Variants in KDM2B observed in about 807,000 individuals in gnomAD.
The protein encoded by KDM2B is lysine demethylase 2B, also known as lysine-specific demethylase 2B.
In KDM2B, 26 loss-of-function variants were observed where a neutral mutation model predicts 150.0. The ratio of observed to expected loss-of-function variants is 0.17; its 90% confidence interval spans 0.13 to 0.24. The LOEUF (loss-of-function observed/expected upper bound fraction) is 0.24. KDM2B is among the 10% of genes least tolerant of loss of function. The probability of loss-of-function intolerance (pLI) is 1.00; values close to 1 mark genes in which losing one functional copy is unlikely to be tolerated. For missense variants in KDM2B, 1,265 were observed against 1,816.9 expected, an observed-to-expected ratio of 0.70 and a Z score of 5.52; for synonymous variants, 734 against 729.5, an observed-to-expected ratio of 1.01 and a Z score of -0.10.
intron 6 of KDM2B, among the ~76,000 whole-genome samples, chr12:121,539,910 T>G (rs1888465185): frequency 6.6e-6 from 1 of 152,076 alleles, no homozygotes; most frequent in Admixed American, 6.6e-5. Context: ...CGGCTGATTT[T>G]TGTATTTTTA....
At position 121,554,536 on chromosome 12, in the gene KDM2B, G is replaced by A. The variant is rs576003360; in HGVS notation, c.398-4898C>T. On this transcript the variant is annotated intron_variant, in intron 4 of 22. Transcript: ENST00000377071. ...AGCGATTCTCCTGCCTCAGCCCCCCGAGTAGCTGGGATTACAGGCGCCTGC... is the reference window on the plus strand; with the variant it reads ...AGCGATTCTCCTGCCTCAGCCCCCCAAGTAGCTGGGATTACAGGCGCCTGC... 3.2e-4 allele frequency among the ~76,000 whole-genome samples: 48 copies of A among 151,714 alleles called. No individual in the cohort carries two copies. In the East Asian group the frequency reaches 8.2e-3, roughly 26 times the overall value.
rs553834879 is a variant in KDM2B, at chr12:121,565,506, G to A, written c.397+9041C>T. On this transcript the variant is annotated intron_variant, in intron 4 of 22. Coordinates refer to ENST00000377071, the MANE Select transcript of KDM2B (RefSeq NM_032590.5). ...CTAATTTTCTATTTTTAGTAAAGAC[G>A]GAGTTTCTCCATGTTACTCAGGCTG... 9.1e-4 allele frequency among the ~76,000 whole-genome samples: 138 copies of A among 152,054 alleles called. 1 individual carries two copies. The highest frequency in any genetic ancestry group is 1.7e-3 in the Non-Finnish European group (113 of 68,012).
chr12:121,548,557 T>C (rs1555311142), intron 6 of KDM2B, among the ~76,000 whole-genome samples: 1 of 152,144 alleles, frequency 6.6e-6, no homozygotes, highest in African/African-American at 2.4e-5. Flanking sequence ...TGCACAAAAG[T>C]ATGCACAGTT....
chr12:121,451,678 G>A (rs1301800674), intron 13 of KDM2B, among the ~76,000 whole-genome samples: 3 of 152,138 alleles, frequency 2.0e-5, no homozygotes, highest in African/African-American at 2.4e-5. Context: ...CTTGGAGGCC[G>A]AGGTGGGTAG....
chr12:121,525,220 G>A (rs942822937), intron 8 of KDM2B, among the ~76,000 whole-genome samples: 2 of 152,080 alleles, frequency 1.3e-5, no homozygotes, highest in Non-Finnish European at 2.9e-5. Flanking sequence ...ATTACTTCAC[G>A]CCACCCCATG....
chr12:121,523,273 G>C (rs1267973352), intron 8 of KDM2B, among the ~76,000 whole-genome samples: 2 of 151,860 alleles, frequency 1.3e-5, no homozygotes, highest in African/African-American at 2.4e-5. Flanking sequence ...ACAGAGGGGA[G>C]GCAAAAGGAG....
At chr12:121,503,123 G>A (rs557617429) in intron 11 of KDM2B, among the ~76,000 whole-genome samples, 1 of 151,644 alleles carries the variant, frequency 6.6e-6, no homozygotes, top group African/African-American at 2.4e-5. Flanking sequence ...GCCTACAGGC[G>A]TGCGCCATCA....
intron 12 of KDM2B, among the ~76,000 whole-genome samples, chr12:121,477,810 T>C (rs1881556930): frequency 6.6e-6 from 1 of 152,154 alleles, no homozygotes; most frequent in Admixed American, 6.5e-5. Flanking sequence ...ACTCTTGACC[T>C]CGGGTGATCC....
rs1230632831 is a variant in KDM2B, at chr12:121,513,250, C to T, written c.1174+26G>A. The T allele has an allele frequency of 3.7e-6, 6 of 1,608,082 alleles. No homozygotes were observed. Among genetic ancestry groups the T allele is most frequent in the Non-Finnish European group, 5.1e-6 (6 of 1,175,620 alleles). The stretch of plus-strand genomic sequence containing the variant: ...TTCTGCCCCAGCTGTGCAGCCGAGG[C>T]CGTGGGCTCCCTCCGGTTCACTCAC... On this transcript the variant is annotated intron_variant, in intron 10 of 22. Coordinates refer to ENST00000377071, the MANE Select transcript of KDM2B (RefSeq NM_032590.5). The surrounding 1 kb of genome is among the most constrained non-coding windows in gnomAD (Gnocchi z 5.0).
At chr12:121,496,185 C>T (rs537656121) in intron 11 of KDM2B, among the ~76,000 whole-genome samples, 17 of 152,150 alleles carry the variant, frequency 1.1e-4, no homozygotes, top group African/African-American at 3.6e-4. Context: ...ACTTTCTGCC[C>T]CAGGACCACC....
chr12:121,479,500 T>C (rs1344546758), intron 12 of KDM2B, among the ~76,000 whole-genome samples: 3 of 151,318 alleles, frequency 2.0e-5, no homozygotes, highest in Admixed American at 2.0e-4. Context: ...TTACACTGTC[T>C]TTAAAAGAGT....
rs782213324 is a variant in KDM2B at position 121,513,452 on chromosome 12, G to T, written c.1048-50C>A. 3.1e-6 allele frequency: 5 copies of T among 1,594,256 alleles called. No individual in the cohort carries two copies. Among genetic ancestry groups the T allele is most frequent in the South Asian group, 2.2e-5 (2 of 90,416 alleles). On this transcript the variant is annotated intron_variant, in intron 9 of 22. Coordinates refer to ENST00000377071, the MANE Select transcript of KDM2B (RefSeq NM_032590.5). The surrounding 1 kb of genome is among the most constrained non-coding windows in gnomAD (Gnocchi z 5.0). Reference sequence around the variant, plus strand: ...AGAGGTCAGTTTCCAGAGGGCGAAGGGGGAAGGAGGGAGAGAAGTGCGGGG... The same window carrying T: ...AGAGGTCAGTTTCCAGAGGGCGAAGTGGGAAGGAGGGAGAGAAGTGCGGGG...
chr12:121,538,493 G>A (rs960459210), intron 6 of KDM2B, among the ~76,000 whole-genome samples: 36 of 152,202 alleles, frequency 2.4e-4, no homozygotes, highest in African/African-American at 6.3e-4. Flanking sequence ...CTCACTGCTC[G>A]GCACTGAAGT....
At chr12:121,532,240 T>C (rs1555307952) in intron 8 of KDM2B, among the ~76,000 whole-genome samples, 1 of 152,138 alleles carries the variant, frequency 6.6e-6, no homozygotes, top group African/African-American at 2.4e-5. Context: ...TAAGAGATAA[T>C]TCCCTGACCC....
chr12:121,444,579 G>C (rs1405965040), intron 14 of KDM2B, 43 bp from the exon 15 acceptor site: 13 of 1,543,256 alleles, frequency 8.4e-6, no homozygotes, highest in African/African-American at 1.4e-5. Context: ...GGGCGGAGAA[G>C]ATGGCCCACG....
At chr12:121,436,292 C>A (rs1235845652) in intron 22 of KDM2B, among the ~76,000 whole-genome samples, 3 of 152,088 alleles carry the variant, frequency 2.0e-5, no homozygotes, top group African/African-American at 7.2e-5. Context: ...GAGGCCGAGG[C>A]GGGCGGATCA....
intron 7 of KDM2B, among the ~76,000 whole-genome samples, chr12:121,534,215 A>G (rs528326748): frequency 1.8e-4 from 28 of 152,022 alleles, no homozygotes; most frequent in South Asian, 4.2e-4. Context: ...AGGGCGTGGT[A>G]GCAGGCACTT....
At chr12:121,528,862 C>T (rs1302611198) in intron 8 of KDM2B, among the ~76,000 whole-genome samples, 11 of 152,174 alleles carry the variant, frequency 7.2e-5, no homozygotes, top group Admixed American at 6.5e-4. Flanking sequence ...CACTGCACTC[C>T]AGCTTGGGTA....
At position 121,513,125 on chromosome 12, in the gene KDM2B, A is replaced by G; in HGVS notation, c.1174+151T>C. 1.2e-6 allele frequency: 1 copy of G among 823,822 alleles called. No individual in the cohort carries two copies. Among genetic ancestry groups the G allele is most frequent in the Non-Finnish European group, 1.8e-6 (1 of 543,328 alleles). 51.0% of individuals were successfully genotyped at this position (823,822 alleles called of 1,614,324 possible). Reference sequence around the variant, plus strand: ...TATTCCAGGTGGGAAACTGGCAAGAATGGCTTCCCCTGAGGGGTTCCTAGG... The same window carrying G: ...TATTCCAGGTGGGAAACTGGCAAGAGTGGCTTCCCCTGAGGGGTTCCTAGG... On this transcript the variant is annotated intron_variant, in intron 10 of 22. Coordinates refer to ENST00000377071, the MANE Select transcript of KDM2B (RefSeq NM_032590.5). The surrounding 1 kb of genome is among the most constrained non-coding windows in gnomAD (Gnocchi z 5.0).
Sources: gnomAD v4.1 joint callset for allele counts (sites outside exome capture counted in the v4.1 genomes callset) on GRCh38, gnomAD v4.1.1 for gene constraint, Gnocchi (gnomAD v3.1) non-coding constraint, MANE v1.5 for transcripts, NCBI Gene and HGNC (gene_info 2026-07-23, HGNC 2026-07-21) for gene names.